Variants in DOCK5 observed in about 807,000 individuals in gnomAD.
DOCK5 encodes dedicator of cytokinesis 5, also known as dedicator of cytokinesis protein 5.
A neutral mutation model predicts 251.8 loss-of-function variants in DOCK5; 142 were observed. That is an observed-to-expected ratio of 0.56 (90% CI 0.49 to 0.65). DOCK5 has a LOEUF of 0.65. Ranked by LOEUF, DOCK5 falls within the 30% of genes least tolerant of loss-of-function variation. The pLI, the probability that DOCK5 is intolerant of heterozygous loss-of-function variation, is 0.00. For synonymous variants in DOCK5, 842 were observed against 835.5 expected (o/e 1.01, Z -0.13); for missense variants, 2,111 against 2,312.3 (o/e 0.91, Z 1.79).
chr8:25,403,535 C>T (rs776316545), intron 47 of DOCK5, 23 bp from the exon 48 acceptor site: 4 of 1,612,116 alleles, frequency 2.5e-6, no homozygotes, highest in South Asian at 1.1e-5. Flanking sequence ...GTCCGCTAAC[C>T]ATGTGGAGTC....
At chr8:25,380,534 G>A (rs1586379832) in intron 39 of DOCK5, 140 bp downstream of exon 39, 14 of 702,358 alleles carry the variant, frequency 2.0e-5, no homozygotes, top group Admixed American at 1.6e-4. Context: ...AAATGAGAAT[G>A]AAAAAAGATG....
In DOCK5 at chr8:25,248,741, T is replaced by C. The variant is rs1803187636; in HGVS notation, c.127+4984T>C. On this transcript the variant is annotated intron_variant, in intron 2 of 51. Transcript: ENST00000276440. ...AGGCAAAGCCTGTTCCTCCTTCATCTGCAGAGCCTGTGCCTCCCTAGCTCC... is the reference window on the plus strand; with the variant it reads ...AGGCAAAGCCTGTTCCTCCTTCATCCGCAGAGCCTGTGCCTCCCTAGCTCC... 2.6e-5 allele frequency among the ~76,000 whole-genome samples: 4 copies of C among 152,306 alleles called. No homozygotes were observed. In the South Asian group the frequency reaches 8.3e-4, roughly 32 times the overall value.
rs541455591 is a variant in DOCK5, at chr8:25,197,575, CTTTTTTTT to C, written c.43+12644_43+12651del. Among the ~76,000 whole-genome samples the C allele has an allele frequency of 7.6e-3, 824 of 108,284 alleles. 46 individuals carry two copies. The highest frequency in any genetic ancestry group is 0.027 in the African/African-American group (653 of 24,310). 71.0% of individuals were successfully genotyped at this position (108,284 alleles called of 152,430 possible). A position where few individuals can be genotyped will look rare whatever the true frequency, so the allele number is the denominator to read the frequency against. On this transcript the variant is annotated intron_variant, in intron 1 of 51. Coordinates refer to ENST00000276440, the MANE Select transcript of DOCK5 (RefSeq NM_024940.8). The stretch of plus-strand genomic sequence containing the variant: ...CTCTCTTTAAGGATCGTGTCTTTGT[CTTTTTTTT>C]TTTTTTTTTTTTTTTTTTTGAGAAG...
At position 25,189,305 on chromosome 8, in the gene DOCK5, G is replaced by C. The variant is rs1221443840; in HGVS notation, c.43+4354G>C. On this transcript the variant is annotated intron_variant, in intron 1 of 51. Coordinates refer to ENST00000276440, the MANE Select transcript of DOCK5 (RefSeq NM_024940.8). ...ACTCTTGGCCTCGTGTGCTCCTTCA[G>C]CCTTAAGCCTCCCATGTTGCTAGGA... Among the ~76,000 whole-genome samples, 3 of 152,046 alleles carry C rather than the reference G, an allele frequency of 2.0e-5. No homozygotes were observed. In the South Asian group the frequency reaches 6.2e-4, roughly 32 times the overall value.
chr8:25,236,559 G>A (rs1392770936), intron 1 of DOCK5, among the ~76,000 whole-genome samples: 1 of 151,976 alleles, frequency 6.6e-6, no homozygotes, highest in Non-Finnish European at 1.5e-5. Flanking sequence ...AGATCATAAT[G>A]GAAAAGAAGA....
chr8:25,253,616 A>G (rs1219871378), intron 2 of DOCK5, among the ~76,000 whole-genome samples: 1 of 152,186 alleles, frequency 6.6e-6, no homozygotes, highest in African/African-American at 2.4e-5. Context: ...TTTAAAATTG[A>G]TTGAGGGCAA....
At chr8:25,308,699 A>G (rs1232892042) in intron 11 of DOCK5, 84 bp from the exon 12 acceptor site, 14 of 1,487,322 alleles carry the variant, frequency 9.4e-6, no homozygotes, top group Middle Eastern at 1.8e-4. Flanking sequence ...AATTATTCCT[A>G]TATGACTCAC....
At position 25,411,298 on chromosome 8, in the gene DOCK5, A is replaced by G. The variant is rs759222514; in HGVS notation, c.5613A>G (p.Ter1871=). Residue 1871 remains the stop codon, a stop_retained_variant, in exon 52 of 52, where the codon TAA becomes TAG. Coordinates refer to ENST00000276440, the MANE Select transcript of DOCK5 (RefSeq NM_024940.8). ...GIPTSEPGSQ[*] is the part of the protein sequence containing the mutation. ...CTACTTCCGAGCCTGGATCCCAGTA[A>G]GGATCTTGCCCTCCCTGCAACACCG... 7 of 1,527,768 alleles carry G rather than the reference A, an allele frequency of 4.6e-6. 1 individual carries two copies. In the East Asian group the frequency reaches 1.9e-4, roughly 42 times the overall value. The allele number at this position is 1,527,768 out of a possible 1,614,324, so 94.6% of individuals were successfully genotyped here.
intron 16 of DOCK5, among the ~76,000 whole-genome samples, 189 bp from the exon 17 acceptor site, chr8:25,323,659 G>A (rs1481616663): frequency 6.6e-6 from 1 of 152,104 alleles, no homozygotes; most frequent in Non-Finnish European, 1.5e-5. Context: ...TGTAGGAAGA[G>A]GAGAGCATAC....
intron 10 of DOCK5, 114 bp downstream of exon 10, chr8:25,302,568 C>T (rs2709638): frequency 0.81 from 1,088,375 of 1,347,814 alleles, 443,902 homozygotes; most frequent in Non-Finnish European, 0.84. Context: ...TGCCCTGCTT[C>T]AAAACAATCA....
chr8:25,294,419 G>A (rs1472764014), intron 6 of DOCK5, among the ~76,000 whole-genome samples: 2 of 152,186 alleles, frequency 1.3e-5, no homozygotes, highest in African/African-American at 4.8e-5. Context: ...TCCCTGAGCG[G>A]TCTTGCTCTT....
chr8:25,321,872 T>C (rs79344330), intron 16 of DOCK5, among the ~76,000 whole-genome samples: 2 of 152,312 alleles, frequency 1.3e-5, no homozygotes, highest in East Asian at 3.9e-4. Context: ...ATATACATTG[T>C]ATCTCCCTCC....
intron 27 of DOCK5, among the ~76,000 whole-genome samples, chr8:25,352,270 A>C (rs1586353744): frequency 1.5e-5 from 2 of 129,160 alleles, no homozygotes; most frequent in Non-Finnish European, 3.3e-5. Flanking sequence ...GGAGGGAGGG[A>C]GGGAGGAAGG....
In DOCK5 at chr8:25,213,364, CAAA is replaced by C. The variant is rs34974024; in HGVS notation, c.43+28431_43+28433del. Among the ~76,000 whole-genome samples the C allele has an allele frequency of 8.4e-3, 625 of 74,600 alleles. 9 individuals carry two copies. Among genetic ancestry groups the C allele is most frequent in the African/African-American group, 0.027 (593 of 22,340 alleles). The allele number at this position is 74,600 out of a possible 152,430, so 48.9% of individuals were successfully genotyped here. ...CTCCTGAAAACAGACATGAATGTAGCAAAAAAAAAAAAAAAAAAAAGCTGATAA... is the reference window on the plus strand; with the variant it reads ...CTCCTGAAAACAGACATGAATGTAGCAAAAAAAAAAAAAAAAAGCTGATAA... On this transcript the variant is annotated intron_variant, in intron 1 of 51. Coordinates refer to ENST00000276440, the MANE Select transcript of DOCK5 (RefSeq NM_024940.8).
chr8:25,319,484 T>G, intron 14 of DOCK5, 94 bp from the exon 15 acceptor site: 1 of 744,766 alleles, frequency 1.3e-6, no homozygotes, highest in Non-Finnish European at 2.3e-6. Flanking sequence ...TGTGTGGACG[T>G]GTTTGGGGGT....
chr8:25,284,530 C>T (rs575540726), intron 5 of DOCK5, among the ~76,000 whole-genome samples: 40 of 152,272 alleles, frequency 2.6e-4, no homozygotes, highest in Admixed American at 2.2e-3. Context: ...TTAACTAGGT[C>T]GATGGGTTTC....
At chr8:25,278,763 G>T (rs1419475873) in intron 5 of DOCK5, 98 bp downstream of exon 5, 3 of 1,061,540 alleles carry the variant, frequency 2.8e-6, no homozygotes, top group African/African-American at 3.1e-5. Context: ...TGACTTCATG[G>T]AGTGGGATGC....
chr8:25,231,904 A>G (rs576133162), intron 1 of DOCK5, among the ~76,000 whole-genome samples: 1 of 152,226 alleles, frequency 6.6e-6, no homozygotes, highest in African/African-American at 2.4e-5. Flanking sequence ...TTCTATATCT[A>G]TTAAGATGAT....
chr8:25,348,058 G>T (rs1030458749), intron 26 of DOCK5, among the ~76,000 whole-genome samples: 1 of 152,148 alleles, frequency 6.6e-6, no homozygotes, highest in African/African-American at 2.4e-5. Context: ...AAGTCCAATC[G>T]TTTTTTGTCC....
Sources: allele counts gnomAD v4.1 joint callset (sites outside exome capture counted in the v4.1 genomes callset), GRCh38; gene constraint gnomAD v4.1.1; transcripts MANE v1.5; gene names NCBI Gene and HGNC (gene_info 2026-07-23, HGNC 2026-07-21).